PCDHAC2: variants seen among roughly 807,000 people sequenced by gnomAD.
PCDHAC2 encodes the protein protocadherin alpha-C2.
Under a neutral mutation model 63.3 loss-of-function variants are expected in PCDHAC2, and 24 were observed. The observed-to-expected ratio is 0.38, with a 90% CI of 0.27 to 0.53. PCDHAC2 has a LOEUF of 0.53. Ranked by LOEUF, PCDHAC2 falls within the 20% of genes least tolerant of loss-of-function variation. The pLI, the probability that PCDHAC2 is intolerant of heterozygous loss-of-function variation, is 0.81. For synonymous variants in PCDHAC2, 569 were observed against 529.4 expected, an observed-to-expected ratio of 1.07 and a Z score of -1.03; for missense variants, 1,181 against 1,275.2, an observed-to-expected ratio of 0.93 and a Z score of 1.12.
At chr5:141,008,704 T>C (rs1485324733) in intron 3 of PCDHAC2, among the ~76,000 whole-genome samples, 1 of 152,236 alleles carries the variant, frequency 6.6e-6, no homozygotes, top group East Asian at 1.9e-4. Context: ...AGTTGGTTTC[T>C]AGTTGCTTGA....
intron 3 of PCDHAC2, among the ~76,000 whole-genome samples, chr5:141,000,691 G>A (rs1177204689): frequency 3.3e-5 from 5 of 151,460 alleles, no homozygotes; most frequent in African/African-American, 1.2e-4. Flanking sequence ...GCCTCCCAAA[G>A]TGCTGGGATT....
chr5:140,995,233 G>A (rs1359304274), intron 3 of PCDHAC2, among the ~76,000 whole-genome samples: 1 of 152,128 alleles, frequency 6.6e-6, no homozygotes, highest in Non-Finnish European at 1.5e-5. Flanking sequence ...TTTGGGGCCA[G>A]TATTAAGTAA....
At chr5:141,006,644 T>C (rs1411431797) in intron 3 of PCDHAC2, among the ~76,000 whole-genome samples, 3 of 152,084 alleles carry the variant, frequency 2.0e-5, no homozygotes, top group African/African-American at 7.2e-5. Context: ...ATATAAGAGA[T>C]GATGGTGTCC....
chr5:140,983,211 T>C (rs1429696975), intron 3 of PCDHAC2, among the ~76,000 whole-genome samples: 1 of 152,204 alleles, frequency 6.6e-6, no homozygotes, highest in African/African-American at 2.4e-5. Context: ...AGGGACTATT[T>C]CCTAATCCAA....
At chr5:140,987,318 A>C (rs148008812) in intron 3 of PCDHAC2, among the ~76,000 whole-genome samples, 3,398 of 152,304 alleles carry the variant, frequency 0.022, 70 homozygotes, top group Admixed American at 0.058. Flanking sequence ...TGTACTGTGA[A>C]GTTTTAAGAA....
chr5:140,976,149 A>C (rs1397618914), intron 1 of PCDHAC2, among the ~76,000 whole-genome samples: 1 of 152,182 alleles, frequency 6.6e-6, no homozygotes, highest in Non-Finnish European at 1.5e-5. Context: ...ACTCATGTAC[A>C]TTTTACTACT....
chr5:140,984,365 C>G (rs2097099251), intron 3 of PCDHAC2, among the ~76,000 whole-genome samples: 1 of 152,128 alleles, frequency 6.6e-6, no homozygotes. Flanking sequence ...TACATCTGGC[C>G]AAGTCCCTCT....
At chr5:140,985,582 C>T (rs2097158950) in intron 3 of PCDHAC2, among the ~76,000 whole-genome samples, 1 of 152,116 alleles carries the variant, frequency 6.6e-6, no homozygotes, top group Admixed American at 6.5e-5. Context: ...CCTAAGCCTC[C>T]TTATACTTGC....
intron 3 of PCDHAC2, among the ~76,000 whole-genome samples, chr5:140,982,882 C>CAGAGA (rs1353974224): frequency 6.6e-6 from 1 of 151,972 alleles, no homozygotes; most frequent in African/African-American, 2.4e-5. Context: ...CCAAGCCATG[C>CAGAGA]AGAGAAGATC....
chr5:141,000,158 A>G (rs1313496168), intron 3 of PCDHAC2, among the ~76,000 whole-genome samples: 1 of 151,968 alleles, frequency 6.6e-6, no homozygotes, highest in Non-Finnish European at 1.5e-5. Context: ...AACAAAAACT[A>G]TTTGATTATT....
In PCDHAC2 at chr5:141,010,329, G is replaced by C; in HGVS notation, c.*392G>C. On this transcript the variant is annotated 3_prime_UTR_variant, in exon 4 of 4. Coordinates refer to ENST00000289269, the MANE Select transcript of PCDHAC2 (RefSeq NM_018899.6). ...AGTTTTGAGATTGAGCAGCTTGGGAGTTTGTGGCCACTGGGTATGTGTGGC... is the reference window on the plus strand; with the variant it reads ...AGTTTTGAGATTGAGCAGCTTGGGACTTTGTGGCCACTGGGTATGTGTGGC... 6.5e-7 allele frequency: 1 copy of C among 1,538,672 alleles called. No individual in the cohort carries two copies. Among genetic ancestry groups the C allele is most frequent in the Non-Finnish European group, 8.8e-7 (1 of 1,142,532 alleles).
rs1554262529 is a variant in PCDHAC2 at position 141,009,890 on chromosome 5, G to A, written c.2977G>A (p.Glu993Lys). 8.1e-6 allele frequency: 13 copies of A among 1,612,626 alleles called. No homozygotes were observed. Among genetic ancestry groups the A allele is most frequent in the Non-Finnish European group, 1.1e-5 (13 of 1,179,746 alleles). ...AAAGAAGAAGGGTAACAAGACCCAG[G>A]AGAAAAAAGAGAAAGGGAACAGCAC... Reference protein sequence around the residue: ...KKKKKGNKTQEKKEKGNSTTD... With the variant: ...KKKKKGNKTQKKKEKGNSTTD... The change falls in exon 4 of 4, where the codon GAG becomes AAG. Residue 993 changes from glutamate to lysine, a missense_variant. Glu to Lys is a moderately conservative substitution (Grantham distance 56). Coordinates refer to ENST00000289269, the MANE Select transcript of PCDHAC2 (RefSeq NM_018899.6).
intron 3 of PCDHAC2, among the ~76,000 whole-genome samples, chr5:140,992,214 C>G (rs2097499658): frequency 6.6e-6 from 1 of 152,152 alleles, no homozygotes; most frequent in Non-Finnish European, 1.5e-5. Flanking sequence ...ATAAACTACT[C>G]TCCCTTCCTG....
chr5:140,979,411 T>C (rs1422593406), intron 2 of PCDHAC2, among the ~76,000 whole-genome samples: 1 of 152,204 alleles, frequency 6.6e-6, no homozygotes, highest in Non-Finnish European at 1.5e-5. Flanking sequence ...CTACCTTGTT[T>C]TTTTTTTAAT....
chr5:140,974,613 G>A (rs1416866366), intron 1 of PCDHAC2, among the ~76,000 whole-genome samples: 2 of 152,164 alleles, frequency 1.3e-5, no homozygotes, highest in African/African-American at 4.8e-5. Flanking sequence ...CAGGGTTCAA[G>A]CGATTCTCCT....
chr5:140,994,209 A>G (rs2097604620), intron 3 of PCDHAC2, among the ~76,000 whole-genome samples: 1 of 152,142 alleles, frequency 6.6e-6, no homozygotes, highest in Non-Finnish European at 1.5e-5. Flanking sequence ...CCAGAATGGG[A>G]CCCAGGGTCT....
chr5:140,969,554 T>C (rs2096342030), intron 1 of PCDHAC2: 12 of 1,222,074 alleles, frequency 9.8e-6, no homozygotes, highest in Non-Finnish European at 1.3e-5. Context: ...TGAAGCCTTG[T>C]CCATAAAATT....
intron 1 of PCDHAC2, among the ~76,000 whole-genome samples, chr5:140,970,706 A>G (rs1266484266): frequency 6.6e-6 from 1 of 152,224 alleles, no homozygotes; most frequent in Non-Finnish European, 1.5e-5. Context: ...CTACTACACA[A>G]TGTGTGAACA....
chr5:140,981,350 G>T (rs2096928266), intron 2 of PCDHAC2, among the ~76,000 whole-genome samples: 1 of 152,168 alleles, frequency 6.6e-6, no homozygotes. Flanking sequence ...GAGGCAGGTG[G>T]ATCACTTGAG....
Sources: gnomAD v4.1 joint callset for allele counts (sites outside exome capture counted in the v4.1 genomes callset) on GRCh38, gnomAD v4.1.1 for gene constraint, MANE v1.5 for transcripts, NCBI Gene and HGNC (gene_info 2026-07-23, HGNC 2026-07-21) for gene names.